ELL2: variants seen among roughly 807,000 people sequenced by gnomAD.
The protein encoded by ELL2 is RNA polymerase II elongation factor ELL2.
Under a neutral mutation model 72.8 loss-of-function variants are expected in ELL2, and 21 were observed. The observed-to-expected ratio is 0.29, with a 90% confidence interval of 0.20 to 0.42. The LOEUF (loss-of-function observed/expected upper bound fraction) is 0.42. Among genes scored for constraint, ELL2 ranks in the 10% least tolerant of loss-of-function variants. The pLI, the probability that ELL2 is intolerant of heterozygous loss-of-function variation, is 1.00. For missense variants in ELL2, 568 were observed against 772.8 expected (o/e 0.73, Z 3.14); for synonymous variants, 266 against 283.2 (o/e 0.94, Z 0.61).
intron 1 of ELL2, among the ~76,000 whole-genome samples, chr5:95,953,492 A>G (rs1324099075): frequency 6.6e-6 from 1 of 152,232 alleles, no homozygotes; most frequent in African/African-American, 2.4e-5. Flanking sequence ...CTAGCTAAGC[A>G]TATTTAAGTC....
intron 1 of ELL2, among the ~76,000 whole-genome samples, chr5:95,953,107 A>T (rs573167324): frequency 6.6e-6 from 1 of 152,218 alleles, no homozygotes; most frequent in Non-Finnish European, 1.5e-5. Context: ...AGAGGATGGC[A>T]GGTAAAGAAG....
intron 2 of ELL2, among the ~76,000 whole-genome samples, chr5:95,933,979 C>T (rs1421870354): frequency 6.6e-6 from 1 of 152,120 alleles, no homozygotes; most frequent in African/African-American, 2.4e-5. Flanking sequence ...AAATACAGAG[C>T]TTTCAAACAG....
chr5:95,916,087 G>C (rs1749783059), intron 3 of ELL2, among the ~76,000 whole-genome samples: 1 of 151,880 alleles, frequency 6.6e-6, no homozygotes, highest in Admixed American at 6.6e-5. Context: ...GCATGAACCA[G>C]AGTAGGGCAG....
At chr5:95,897,743 T>C (rs569284038) in intron 8 of ELL2, among the ~76,000 whole-genome samples, 1 of 152,344 alleles carries the variant, frequency 6.6e-6, no homozygotes, top group Non-Finnish European at 1.5e-5. Context: ...ATAAAGATGA[T>C]GTTATGAATC....
At chr5:95,948,830 A>C (rs527598819) in intron 1 of ELL2, among the ~76,000 whole-genome samples, 9 of 152,326 alleles carry the variant, frequency 5.9e-5, no homozygotes, top group Admixed American at 2.0e-4. Flanking sequence ...TTTCCAACCA[A>C]GAACACAAAG....
At chr5:95,950,904 G>GTATATATATATATGTGTA (rs1751355134) in intron 1 of ELL2, among the ~76,000 whole-genome samples, 1 of 46,612 alleles carries the variant, frequency 2.1e-5, no homozygotes, top group Non-Finnish European at 4.2e-5. Flanking sequence ...GTATGTATGT[G>GTATATATATATATGTGTA]TATATATATA....
At chr5:95,889,163 A>G (rs746265461) in intron 10 of ELL2, 33 bp from the exon 11 acceptor site, 1 of 1,530,264 alleles carries the variant, frequency 6.5e-7, no homozygotes, top group Admixed American at 1.8e-5. Context: ...TCAGAAGAGA[A>G]CAACTTCTTT....
chr5:95,898,559 T>C lies in ELL2; in HGVS notation c.1206A>G (p.Pro402=). ...GTAGGTCTTGAGTCCCCCGGCCTTC[T>C]GGAGTGCTAGGGGAGTTGGAGTTAG... The part of the protein sequence containing the change: ...VNSNSNSPST[P]EGRGTQDLPV... Residue 402 remains proline, a synonymous_variant, in exon 8 of 12, where the codon CCA becomes CCG. Transcript: ENST00000237853. The C allele has an allele frequency of 6.2e-7, 1 of 1,614,058 alleles. No individual in the cohort carries two copies. The highest frequency in any genetic ancestry group is 8.5e-7 in the Non-Finnish European group (1 of 1,180,016).
chr5:95,950,058 T>C (rs1751316593), intron 1 of ELL2, among the ~76,000 whole-genome samples: 1 of 152,214 alleles, frequency 6.6e-6, no homozygotes, highest in Non-Finnish European at 1.5e-5. Context: ...TCTTCAACAA[T>C]AGTAATATGA....
intron 2 of ELL2, among the ~76,000 whole-genome samples, chr5:95,920,450 T>C (rs1289746378): frequency 1.3e-5 from 2 of 151,730 alleles, no homozygotes; most frequent in Non-Finnish European, 2.9e-5. Flanking sequence ...GCTGGGATTA[T>C]AGGTGCCCGC....
chr5:95,951,662 C>A (rs1176088892), intron 1 of ELL2, among the ~76,000 whole-genome samples: 1 of 151,716 alleles, frequency 6.6e-6, no homozygotes, highest in African/African-American at 2.4e-5. Flanking sequence ...ACAAAGGGAG[C>A]CATTGGGGAC....
chr5:95,950,685 T>C (rs1373218786), intron 1 of ELL2, among the ~76,000 whole-genome samples: 1 of 151,708 alleles, frequency 6.6e-6, no homozygotes. Flanking sequence ...CAAAAGAAAT[T>C]CCTTTTCTGC....
rs536722773 is a variant in ELL2, at chr5:95,921,401, G to T, written c.196-1856C>A. Among the ~76,000 whole-genome samples, 35 of 152,226 alleles carry T rather than the reference G, an allele frequency of 2.3e-4. No individual in the cohort carries two copies. The South Asian group carries it at 7.1e-3, about 31-fold the overall frequency. Reference sequence around the variant, plus strand: ...CTATTTGAAATTAGAGACAACTCCTGGCACAAGTTTCTGTGTTTTTATCTA... The same window carrying T: ...CTATTTGAAATTAGAGACAACTCCTTGCACAAGTTTCTGTGTTTTTATCTA... On this transcript the variant is annotated intron_variant, in intron 2 of 11. Coordinates refer to ENST00000237853, the MANE Select transcript of ELL2 (RefSeq NM_012081.6).
chr5:95,903,431 A>G (rs942726319), intron 5 of ELL2, among the ~76,000 whole-genome samples: 12 of 151,362 alleles, frequency 7.9e-5, no homozygotes, highest in Non-Finnish European at 1.8e-4. Context: ...GTGTTTCACC[A>G]TGTTGGCCAG....
At position 95,906,639 on chromosome 5, in the gene ELL2, T is replaced by G. The variant is rs1218595012; in HGVS notation, c.625A>C (p.Arg209=). 3.1e-6 allele frequency: 5 copies of G among 1,614,144 alleles called. No homozygotes were observed. In the South Asian group the frequency reaches 4.4e-5, roughly 14 times the overall value. Residue 209 remains arginine (R), a synonymous_variant, in exon 5 of 12, where the codon AGG becomes CGG. Coordinates refer to ENST00000237853, the MANE Select transcript of ELL2 (RefSeq NM_012081.6). ...TTCAGGGCCAGTAAGTGAATCACCC[T>G]GTCCCTGTATGGCCTCTGAGAGATG... ...STISQRPYRD[R]VIHLLALKAY...
intron 9 of ELL2, among the ~76,000 whole-genome samples, chr5:95,894,958 A>T (rs1015419647): frequency 6.6e-6 from 1 of 152,026 alleles, no homozygotes; most frequent in Non-Finnish European, 1.5e-5. Context: ...TTCCCTCTCC[A>T]TTTTTCCAGG....
At position 95,958,978 on chromosome 5, in the gene ELL2, C is replaced by T. The variant is rs145944889; in HGVS notation, c.147+2597G>A. 1.8e-3 allele frequency among the ~76,000 whole-genome samples: 268 copies of T among 152,100 alleles called. 1 individual carries two copies. Among genetic ancestry groups the T allele is most frequent in the South Asian group, 7.1e-3 (34 of 4,818 alleles). On this transcript the variant is annotated intron_variant, in intron 1 of 11. Transcript: ENST00000237853. ...TTTTTGATCTTCTGTCTCCTGGAAG[C>T]TACTGGTATATAAATGCAGGGGCTT... is the stretch of plus-strand genomic sequence containing the variant.
chr5:95,949,639 T>C (rs1390830003), intron 1 of ELL2, among the ~76,000 whole-genome samples: 1 of 151,960 alleles, frequency 6.6e-6, no homozygotes, highest in Non-Finnish European at 1.5e-5. Flanking sequence ...CAAGTATTTA[T>C]TAAATACTTG....
chr5:95,898,319 A>G lies in ELL2; in HGVS notation c.1446T>C (p.Thr482=), dbSNP rs1748955678. Residue 482 remains threonine (T), a synonymous_variant, in exon 8 of 12, where the codon ACT becomes ACC. Coordinates refer to ENST00000237853, the MANE Select transcript of ELL2 (RefSeq NM_012081.6). ...TAAGATCTTCCTCCTTTTCCTCAAT[A>G]GTCTCAATGTCGTGCTTTTTTATTT... ...KDQIKKHDIE[T]IEEKEEDLKR... is the part of the protein sequence containing the mutation. 1 of 1,613,250 alleles carries G rather than the reference A, an allele frequency of 6.2e-7. No individual in the cohort carries two copies. Among genetic ancestry groups the G allele is most frequent in the Non-Finnish European group, 8.5e-7 (1 of 1,179,800 alleles).
Sources: gnomAD v4.1 joint callset for allele counts (sites outside exome capture counted in the v4.1 genomes callset) on GRCh38, gnomAD v4.1.1 for gene constraint, MANE v1.5 for transcripts, NCBI Gene and HGNC (gene_info 2026-07-23, HGNC 2026-07-21) for gene names.